Variants in CCDC178 observed in about 807,000 individuals in gnomAD.
The protein encoded by CCDC178 is coiled-coil domain containing 178.
Under a neutral mutation model 117.4 loss-of-function variants are expected in CCDC178, and 126 were observed. That is an observed-to-expected ratio of 1.07 (90% confidence interval 0.93 to 1.24). The LOEUF is 1.24. CCDC178 is among the 50% of genes most tolerant of loss of function. The probability of loss-of-function intolerance (pLI) is 0.00; values close to 1 mark genes in which losing one functional copy is unlikely to be tolerated. For missense variants in CCDC178, 1,030 were observed against 986.9 expected, an observed-to-expected ratio of 1.04 and a Z score of -0.59; for synonymous variants, 283 against 313.4, an observed-to-expected ratio of 0.90 and a Z score of 1.02.
At chr18:33,290,544 T>A (rs970654421) in intron 12 of CCDC178, among the ~76,000 whole-genome samples, 1 of 152,048 alleles carries the variant, frequency 6.6e-6, no homozygotes, top group African/African-American at 2.4e-5. Context: ...CCCCAATTAT[T>A]CCATAAGTGG....
chr18:33,230,328 T>C (rs1318852468), intron 15 of CCDC178, among the ~76,000 whole-genome samples: 1 of 152,062 alleles, frequency 6.6e-6, no homozygotes, highest in African/African-American at 2.4e-5. Context: ...TCAAATATGA[T>C]AAAACCGAGG....
At chr18:33,208,741 A>C (rs1467043663) in intron 20 of CCDC178, among the ~76,000 whole-genome samples, 3 of 152,110 alleles carry the variant, frequency 2.0e-5, no homozygotes, top group Non-Finnish European at 4.4e-5. Context: ...TATTAAGCTA[A>C]AACTTTTCCA....
intron 2 of CCDC178, among the ~76,000 whole-genome samples, chr18:33,412,609 C>A (rs1010748040): frequency 2.0e-5 from 3 of 152,090 alleles, no homozygotes; most frequent in Non-Finnish European, 2.9e-5. Flanking sequence ...GAATTCTATA[C>A]ACCTACAAAC....
At chr18:32,958,847 C>T (rs2054646784) in intron 22 of CCDC178, among the ~76,000 whole-genome samples, 1 of 152,070 alleles carries the variant, frequency 6.6e-6, no homozygotes, top group Non-Finnish European at 1.5e-5. Flanking sequence ...CTGAAGTGAC[C>T]ACAGGCTGAT....
chr18:33,072,848 C>G (rs2057133347), intron 21 of CCDC178, among the ~76,000 whole-genome samples: 1 of 152,128 alleles, frequency 6.6e-6, no homozygotes, highest in Non-Finnish European at 1.5e-5. Flanking sequence ...CTCAAGTGAT[C>G]TACCCATCTT....
chr18:33,286,353 T>G (rs1463116348), intron 12 of CCDC178, among the ~76,000 whole-genome samples: 1 of 152,214 alleles, frequency 6.6e-6, no homozygotes, highest in Non-Finnish European at 1.5e-5. Flanking sequence ...GAAACACTAC[T>G]GTTTTCATGG....
chr18:33,164,607 A>AG (rs1245748070), intron 20 of CCDC178, among the ~76,000 whole-genome samples: 2 of 152,080 alleles, frequency 1.3e-5, no homozygotes, highest in Non-Finnish European at 2.9e-5. Context: ...AGCAAAAAAA[A>AG]AAAATGGTGG....
At chr18:33,347,368 C>T (rs1414812055) in intron 8 of CCDC178, among the ~76,000 whole-genome samples, 1 of 152,076 alleles carries the variant, frequency 6.6e-6, no homozygotes, top group African/African-American at 2.4e-5. Context: ...CGGTGATAAG[C>T]GCAAGCTCAG....
intron 14 of CCDC178, among the ~76,000 whole-genome samples, chr18:33,247,474 A>G (rs1225080665): frequency 6.6e-6 from 1 of 151,894 alleles, no homozygotes; most frequent in Non-Finnish European, 1.5e-5. Context: ...TTGAAATAGA[A>G]CCAAAAAACC....
intron 20 of CCDC178, among the ~76,000 whole-genome samples, chr18:33,094,315 A>C (rs2057510353): frequency 6.6e-6 from 1 of 151,998 alleles, no homozygotes; most frequent in Non-Finnish European, 1.5e-5. Context: ...ACGAGGACAA[A>C]GTTCTATTAA....
At chr18:33,134,251 C>T (rs955397399) in intron 20 of CCDC178, among the ~76,000 whole-genome samples, 2 of 151,798 alleles carry the variant, frequency 1.3e-5, no homozygotes, top group Admixed American at 6.6e-5. Flanking sequence ...TCATATTATG[C>T]TTAAGGAGTA....
rs370611366 is a variant in CCDC178, at chr18:33,297,991, G to A, written c.1023-4679C>T. On this transcript the variant is annotated intron_variant, in intron 11 of 22. Transcript: ENST00000383096. ...TGGGAGGTGGAGCTTGCAGTGAGCCGAGATTGCACACTGCACTCCAGCCTG... is the reference window on the plus strand; with the variant it reads ...TGGGAGGTGGAGCTTGCAGTGAGCCAAGATTGCACACTGCACTCCAGCCTG... Among the ~76,000 whole-genome samples, 92 of 151,594 alleles carry A rather than the reference G, an allele frequency of 6.1e-4. 2 individuals carry two copies. The East Asian group carries it at 0.01, about 17-fold the overall frequency.
Position 33,042,613 on chromosome 18 carries a change from T to A in CCDC178, c.2388+50148A>T, listed in dbSNP as rs143133827. Among the ~76,000 whole-genome samples the A allele has an allele frequency of 3.3e-3, 497 of 152,028 alleles. 3 individuals carry two copies. The highest frequency in any genetic ancestry group is 5.6e-3 in the Non-Finnish European group (378 of 67,862). ...GGACAACTGGGAATGACAATATGAA[T>A]ATGGACTGGGTATTAGGAAAATGGT... On this transcript the variant is annotated intron_variant, in intron 21 of 22. Transcript: ENST00000383096.
At chr18:33,213,176 A>G (rs1023424785) in intron 19 of CCDC178, among the ~76,000 whole-genome samples, 2 of 152,014 alleles carry the variant, frequency 1.3e-5, no homozygotes, top group African/African-American at 2.4e-5. Flanking sequence ...AAGCTCAACT[A>G]GTTGGTAAAT....
chr18:33,187,872 A>G (rs983645267), intron 20 of CCDC178, among the ~76,000 whole-genome samples: 1 of 152,154 alleles, frequency 6.6e-6, no homozygotes, highest in Non-Finnish European at 1.5e-5. Context: ...AGCCAGTCTC[A>G]GGGAGATCAG....
intron 15 of CCDC178, among the ~76,000 whole-genome samples, chr18:33,228,183 A>T (rs2144641694): frequency 6.6e-6 from 1 of 152,352 alleles, no homozygotes; most frequent in Non-Finnish European, 1.5e-5. Flanking sequence ...TAGATTATGC[A>T]GAACCTTCCA....
At chr18:33,103,714 T>C (rs796681449) in intron 20 of CCDC178, among the ~76,000 whole-genome samples, 33 of 151,880 alleles carry the variant, frequency 2.2e-4, no homozygotes, top group African/African-American at 7.9e-4. Context: ...ACGCCTTCTT[T>C]AATTAAAAGT....
rs1598874992 is a variant in CCDC178 at position 33,092,742 on chromosome 18, C to T, written c.2388+19G>A. On this transcript the variant is annotated intron_variant, in intron 21 of 22. Transcript: ENST00000383096. ...TATGACATAAATCATCACCTTAAAA[C>T]AATTAGAAAAACCAATACCTGTTTC... 1.7e-5 allele frequency: 26 copies of T among 1,516,700 alleles called. No homozygotes were observed. In the East Asian group the frequency reaches 6.0e-4, roughly 35 times the overall value. 94.0% of individuals were successfully genotyped at this position (1,516,700 alleles called of 1,614,324 possible).
At chr18:33,176,983 C>T (rs1306453575) in intron 20 of CCDC178, among the ~76,000 whole-genome samples, 1 of 152,164 alleles carries the variant, frequency 6.6e-6, no homozygotes, top group Non-Finnish European at 1.5e-5. Flanking sequence ...ACAATATTTT[C>T]ATTTTCTTAT....
Sources: gnomAD v4.1 joint callset for allele counts (sites outside exome capture counted in the v4.1 genomes callset) on GRCh38, gnomAD v4.1.1 for gene constraint, MANE v1.5 for transcripts, NCBI Gene and HGNC (gene_info 2026-07-23, HGNC 2026-07-21) for gene names.